PCDH15: variants seen among roughly 807,000 people sequenced by gnomAD.
PCDH15 encodes the protein protocadherin related 15.
In PCDH15, 129 loss-of-function variants were observed where a neutral mutation model predicts 178.5. The observed-to-expected ratio is 0.72, with a 90% CI of 0.63 to 0.84. The LOEUF (loss-of-function observed/expected upper bound fraction) is 0.84, where lower values mean the gene tolerates loss of function less well. Ranked by LOEUF, PCDH15 falls within the 40% of genes least tolerant of loss-of-function variation. PCDH15 has a pLI of 0.00. For synonymous variants in PCDH15, 800 were observed against 732.0 expected (o/e 1.09, Z -1.50); for missense variants, 2,230 against 2,099.9 (o/e 1.06, Z -1.21).
At chr10:53,971,447 G>T (rs751939797) in intron 21 of PCDH15, among the ~76,000 whole-genome samples, 4 of 152,124 alleles carry the variant, frequency 2.6e-5, no homozygotes, top group African/African-American at 7.2e-5. Context: ...GGGCAATCAG[G>T]CAGGAGAAAG....
At chr10:55,279,572 C>A (rs1035831505) in intron 1 of PCDH15, among the ~76,000 whole-genome samples, 6 of 152,122 alleles carry the variant, frequency 3.9e-5, no homozygotes, top group African/African-American at 1.4e-4. Context: ...TGTTTCATTG[C>A]CATCTTGAAA....
intron 27 of PCDH15, among the ~76,000 whole-genome samples, chr10:53,864,788 A>C (rs1026392144): frequency 1.3e-5 from 2 of 151,932 alleles, no homozygotes; most frequent in African/African-American, 4.8e-5. Flanking sequence ...CGTCTCAAAA[A>C]TAATAATAAT....
intron 1 of PCDH15, among the ~76,000 whole-genome samples, chr10:54,733,923 C>T (rs1943733291): frequency 6.6e-6 from 1 of 150,806 alleles, no homozygotes; most frequent in Non-Finnish European, 1.5e-5. Flanking sequence ...CTGTACTTCA[C>T]ATTTTTTATC....
intron 11 of PCDH15, among the ~76,000 whole-genome samples, chr10:54,194,531 G>A (rs1481308993): frequency 6.6e-6 from 1 of 151,968 alleles, no homozygotes; most frequent in Non-Finnish European, 1.5e-5. Context: ...ATAACAGCAA[G>A]TAAGAAATCC....
Position 55,518,259 on chromosome 10 carries a change from T to A in PCDH15, c.-156+109366A>T, listed in dbSNP as rs145325142. Among the ~76,000 whole-genome samples, 279 of 152,232 alleles carry A rather than the reference T, an allele frequency of 1.8e-3. 4 individuals are homozygous for A. In the East Asian group the frequency reaches 0.042, roughly 23 times the overall value. The stretch of plus-strand genomic sequence containing the variant: ...ATACAAATTGCATGTCAGTTCATGC[T>A]GAACTCTTTTTGATATTGCAATAGT... On this transcript the variant is annotated intron_variant, in intron 2 of 5. Coordinates refer to the PCDH15 transcript ENST00000613346.
chr10:53,817,896 G>A (rs1329340691), intron 34 of PCDH15, 99 bp downstream of exon 34: 2 of 397,260 alleles, frequency 5.0e-6, no homozygotes, highest in Non-Finnish European at 8.9e-6. Context: ...TGAAATCAAA[G>A]AAAATAAACT....
intron 2 of PCDH15, among the ~76,000 whole-genome samples, chr10:55,109,194 T>C (rs1837433017): frequency 6.6e-6 from 1 of 152,232 alleles, no homozygotes. Flanking sequence ...AAATATTCAC[T>C]GAATATTTGT....
At chr10:54,121,421 G>A (rs1255480665) in intron 15 of PCDH15, among the ~76,000 whole-genome samples, 1 of 151,982 alleles carries the variant, frequency 6.6e-6, no homozygotes, top group Non-Finnish European at 1.5e-5. Flanking sequence ...AAGCTAGAAG[G>A]AAAATAAGAC....
chr10:55,534,440 T>C (rs1841526625), intron 2 of PCDH15, among the ~76,000 whole-genome samples: 1 of 151,582 alleles, frequency 6.6e-6, no homozygotes, highest in South Asian at 2.1e-4. Flanking sequence ...CAAAAGAAAA[T>C]ATACAGGTGA....
chr10:55,598,628 C>T (rs1041176194), intron 2 of PCDH15, among the ~76,000 whole-genome samples: 4 of 145,204 alleles, frequency 2.8e-5, no homozygotes, highest in Non-Finnish European at 6.0e-5. Flanking sequence ...AAATGGGCTA[C>T]ATTTTCTACA....
intron 2 of PCDH15, among the ~76,000 whole-genome samples, chr10:54,951,628 A>C (rs1838341219): frequency 6.6e-6 from 1 of 151,882 alleles, no homozygotes; most frequent in Non-Finnish European, 1.5e-5. Context: ...GTTTTGTAAG[A>C]AACTGTCAAA....
rs555816668 is a variant in PCDH15, at chr10:55,569,807, A to C, written c.-156+57818T>G. Among the ~76,000 whole-genome samples the C allele has an allele frequency of 5.6e-4, 85 of 152,120 alleles. 3 individuals carry two copies. In the South Asian group the frequency reaches 0.018, roughly 32 times the overall value. On this transcript the variant is annotated intron_variant, in intron 2 of 5. Transcript: ENST00000613346. ...AAACTCATTCAGAGTAATCGTGTGAACATGGTTCTATTTCTGTCTATGTCT... is the reference window on the plus strand; with the variant it reads ...AAACTCATTCAGAGTAATCGTGTGACCATGGTTCTATTTCTGTCTATGTCT...
At chr10:54,430,545 A>G (rs1219862) in intron 3 of PCDH15, among the ~76,000 whole-genome samples, 101,283 of 151,970 alleles carry the variant, frequency 0.67, 35,436 homozygotes, top group African/African-American at 0.81. Flanking sequence ...TTGAATGACC[A>G]TCCAGTGTTT....
chr10:54,961,816 C>A (rs1454390381), intron 2 of PCDH15, among the ~76,000 whole-genome samples: 1 of 151,998 alleles, frequency 6.6e-6, no homozygotes, highest in Non-Finnish European at 1.5e-5. Context: ...ATAAGAGGTA[C>A]CTTTGGGTCT....
intron 15 of PCDH15, among the ~76,000 whole-genome samples, chr10:54,106,706 T>G (rs2094924198): frequency 6.6e-6 from 1 of 152,094 alleles, no homozygotes; most frequent in African/African-American, 2.4e-5. Context: ...TAAGAAAATT[T>G]CACACACAAA....
rs192719515 is a variant in PCDH15, at chr10:54,872,844, T to C, written c.-29+24606A>G. On this transcript the variant is annotated intron_variant, in intron 3 of 5. Transcript: ENST00000458638. ...AATACAGTCTATAAAACATAATCTT[T>C]GACATCTCATTTCAAAAAAACTGCA... Among the ~76,000 whole-genome samples the C allele has an allele frequency of 9.2e-5, 14 of 152,238 alleles. No individual in the cohort carries two copies. The East Asian group carries it at 2.7e-3, about 29-fold the overall frequency.
Position 55,161,002 on chromosome 10 carries a change from CAT to C in PCDH15, c.-80+5572_-80+5573del, listed in dbSNP as rs1286035758. Among the ~76,000 whole-genome samples the C allele has an allele frequency of 2.6e-5, 4 of 152,198 alleles. No individual in the cohort carries two copies. In the East Asian group the frequency reaches 7.7e-4, roughly 29 times the overall value. On this transcript the variant is annotated intron_variant, in intron 2 of 5. Transcript: ENST00000458638. ...GTGGCATTAATATCACACATTTTCT[CAT>C]ATTATTACGTGCAGTAGACACATTC...
chr10:54,884,510 T>C (rs892184741), intron 3 of PCDH15, among the ~76,000 whole-genome samples: 2 of 149,882 alleles, frequency 1.3e-5, no homozygotes, highest in Admixed American at 1.3e-4. Context: ...TGTGTGTGTG[T>C]GCACCTGTGT....
intron 2 of PCDH15, among the ~76,000 whole-genome samples, chr10:55,564,194 A>G (rs1324551158): frequency 6.6e-6 from 1 of 151,906 alleles, no homozygotes; most frequent in East Asian, 1.9e-4. Flanking sequence ...TAAAATGATT[A>G]TGTTTTTGAA....
Sources: allele counts gnomAD v4.1 joint callset (sites outside exome capture counted in the v4.1 genomes callset), GRCh38; gene constraint gnomAD v4.1.1; transcripts MANE v1.5; gene names NCBI Gene and HGNC (gene_info 2026-07-23, HGNC 2026-07-21).